Variants in PCCA observed in about 807,000 individuals in gnomAD.
The protein encoded by PCCA is propionyl-CoA carboxylase subunit alpha.
In PCCA, 74 loss-of-function variants were observed where a neutral mutation model predicts 101.3. That is an observed-to-expected ratio of 0.73 (90% CI 0.61 to 0.89). The LOEUF (loss-of-function observed/expected upper bound fraction) is 0.89, where lower values mean the gene tolerates loss of function less well. Among genes scored for constraint, PCCA ranks in the 40% least tolerant of loss-of-function variants. PCCA has a pLI of 0.00. For synonymous variants in PCCA, 294 were observed against 313.6 expected (o/e 0.94, Z 0.66); for missense variants, 891 against 907.0 (o/e 0.98, Z 0.23).
intron 18 of PCCA, among the ~76,000 whole-genome samples, chr13:100,347,870 T>C (rs1304119818): frequency 6.6e-6 from 1 of 152,224 alleles, no homozygotes; most frequent in Non-Finnish European, 1.5e-5. Context: ...TATTTAGTAT[T>C]ATCAGTTTAT....
chr13:100,416,434 G>A (rs1052899753), intron 19 of PCCA, among the ~76,000 whole-genome samples: 4 of 151,892 alleles, frequency 2.6e-5, no homozygotes, highest in South Asian at 2.1e-4. Context: ...CGCCCGCCTC[G>A]GCCTCCCAAA....
chr13:100,118,370 C>T (rs748765327), intron 4 of PCCA, among the ~76,000 whole-genome samples: 32 of 152,132 alleles, frequency 2.1e-4, no homozygotes, highest in Middle Eastern at 6.8e-3. Context: ...TCATGAGTTA[C>T]ATTTGTTTAT....
chr13:100,123,448 A>G (rs1263935042), intron 4 of PCCA, among the ~76,000 whole-genome samples: 1 of 152,262 alleles, frequency 6.6e-6, no homozygotes, highest in African/African-American at 2.4e-5. Context: ...TCAATAAGGT[A>G]GAAAATACAA....
chr13:100,138,934 C>CAAAAAAAAA (rs34466523), intron 4 of PCCA, among the ~76,000 whole-genome samples: 7 of 83,094 alleles, frequency 8.4e-5, no homozygotes, highest in Non-Finnish European at 1.4e-4. Flanking sequence ...AACTCCATCT[C>CAAAAAAAAA]AAAAAAAAAA....
chr13:100,241,911 T>C (rs777459929), intron 8 of PCCA, among the ~76,000 whole-genome samples: 1 of 152,206 alleles, frequency 6.6e-6, no homozygotes, highest in Non-Finnish European at 1.5e-5. Context: ...GAAGTGAAAT[T>C]GCTGGGTTAT....
chr13:100,090,638 G>A (rs193269437), intron 1 of PCCA, among the ~76,000 whole-genome samples: 27 of 152,322 alleles, frequency 1.8e-4, no homozygotes, highest in Non-Finnish European at 3.7e-4. Context: ...TGTAACAAGT[G>A]TAAAATGGTA....
chr13:100,458,294 TACACACACACACACACACACACACACAC>T lies in PCCA; in HGVS notation c.1899+9013_1899+9040del, dbSNP rs57961819. Among the ~76,000 whole-genome samples the T allele has an allele frequency of 9.2e-5, 8 of 86,520 alleles. 1 individual carries two copies. The highest frequency in any genetic ancestry group is 2.0e-4 in the African/African-American group (4 of 20,042). 56.8% of individuals were successfully genotyped at this position (86,520 alleles called of 152,430 possible). A position where few individuals can be genotyped will look rare whatever the true frequency, so the allele number is the denominator to read the frequency against. ...CTGGGCAACAGTGGGACCCCATCTCTACACACACACACACACACACACACACACACACACACACACACACACACACAGT... is the reference window on the plus strand; with the variant it reads ...CTGGGCAACAGTGGGACCCCATCTCTACACACACACACACACACACACAGT... On this transcript the variant is annotated intron_variant, in intron 21 of 23. Coordinates refer to ENST00000376285, the MANE Select transcript of PCCA (RefSeq NM_000282.4).
intron 6 of PCCA, chr13:100,161,387 A>G (rs924679149): frequency 2.0e-5 from 3 of 152,250 alleles, no homozygotes; most frequent in Non-Finnish European, 4.4e-5. Flanking sequence ...GAAAATGTTC[A>G]TGGTAAGGTG....
At chr13:100,525,242 C>T (rs142634372) in intron 22 of PCCA, among the ~76,000 whole-genome samples, 3 of 152,208 alleles carry the variant, frequency 2.0e-5, no homozygotes, top group Admixed American at 2.0e-4. Context: ...ATTGAATTGC[C>T]GGACTCTCAC....
At chr13:100,225,812 G>A (rs879497317) in intron 7 of PCCA, among the ~76,000 whole-genome samples, 5 of 151,764 alleles carry the variant, frequency 3.3e-5, no homozygotes, top group African/African-American at 4.8e-5. Flanking sequence ...TCTTTGAGAC[G>A]AAGAGTGTCG....
chr13:100,378,332 T>A (rs1190798569), intron 19 of PCCA, among the ~76,000 whole-genome samples: 1 of 152,208 alleles, frequency 6.6e-6, no homozygotes, highest in Non-Finnish European at 1.5e-5. Flanking sequence ...TATAGATGAC[T>A]AGATACTTTT....
intron 20 of PCCA, among the ~76,000 whole-genome samples, chr13:100,428,850 G>A (rs997904753): frequency 1.3e-5 from 2 of 152,100 alleles, no homozygotes; most frequent in African/African-American, 4.8e-5. Flanking sequence ...GGTAGGAACC[G>A]AGTCACATGA....
At chr13:100,155,163 A>T (rs1268173692) in intron 5 of PCCA, 71 bp downstream of exon 5, 8 of 588,802 alleles carry the variant, frequency 1.4e-5, no homozygotes, top group African/African-American at 1.2e-4. Flanking sequence ...GTTTGTATTT[A>T]AAAAAAAAAA....
chr13:100,242,871 A>G (rs531006525), intron 8 of PCCA, among the ~76,000 whole-genome samples: 1 of 152,282 alleles, frequency 6.6e-6, no homozygotes, highest in South Asian at 2.1e-4. Flanking sequence ...TAATTTGATT[A>G]CTATTTTATA....
chr13:100,265,483 GA>G (rs1429245624), intron 10 of PCCA, among the ~76,000 whole-genome samples: 2 of 152,116 alleles, frequency 1.3e-5, no homozygotes, highest in Non-Finnish European at 2.9e-5. Context: ...TTTTTCTGCA[GA>G]TAGTTTTCAT....
At chr13:100,289,444 C>G (rs2064959242) in intron 12 of PCCA, among the ~76,000 whole-genome samples, 1 of 152,072 alleles carries the variant, frequency 6.6e-6, no homozygotes, top group Non-Finnish European at 1.5e-5. Flanking sequence ...CTGCTGGCGC[C>G]TAGCCTGAAA....
chr13:100,178,246 G>T (rs1158996155), intron 6 of PCCA, among the ~76,000 whole-genome samples: 1 of 152,178 alleles, frequency 6.6e-6, no homozygotes, highest in Non-Finnish European at 1.5e-5. Flanking sequence ...AGATGCTTAG[G>T]CAAATGATCT....
At chr13:100,293,113 T>G (rs2065262156) in intron 12 of PCCA, 3 of 406,442 alleles carry the variant, frequency 7.4e-6, no homozygotes, top group Admixed American at 6.1e-5. Flanking sequence ...AAGTAAGTAA[T>G]TAAAACCCCA....
At chr13:100,265,844 A>AG (rs2062901401) in intron 10 of PCCA, among the ~76,000 whole-genome samples, 1 of 151,414 alleles carries the variant, frequency 6.6e-6, no homozygotes, top group East Asian at 1.9e-4. Flanking sequence ...TACAAGAAAA[A>AG]AAAATAAGGT....
Sources: gnomAD v4.1 joint callset for allele counts (sites outside exome capture counted in the v4.1 genomes callset) on GRCh38, gnomAD v4.1.1 for gene constraint, MANE v1.5 for transcripts, NCBI Gene and HGNC (gene_info 2026-07-23, HGNC 2026-07-21) for gene names.